THRB: variants seen among roughly 807,000 people sequenced by gnomAD.
The protein encoded by THRB is nuclear receptor subfamily 1 group A member 2.
In THRB, 12 loss-of-function variants were observed where a neutral mutation model predicts 47.8. The ratio of observed to expected loss-of-function variants is 0.25; its 90% CI spans 0.16 to 0.41. The LOEUF is 0.41. THRB is among the 10% of genes least tolerant of loss of function. The pLI is 1.00. For missense variants in THRB, 348 were observed against 589.2 expected (o/e 0.59, Z 4.24); for synonymous variants, 218 against 212.2 (o/e 1.03, Z -0.24).
intron 2 of THRB, among the ~76,000 whole-genome samples, chr3:24,298,905 C>G (rs2149069842): frequency 6.6e-6 from 1 of 152,256 alleles, no homozygotes; most frequent in Non-Finnish European, 1.5e-5. Flanking sequence ...CTATAGTTCT[C>G]AAATCACATA....
At chr3:24,485,054 C>T (rs1355973912) in intron 1 of THRB, among the ~76,000 whole-genome samples, 1 of 152,164 alleles carries the variant, frequency 6.6e-6, no homozygotes, top group Non-Finnish European at 1.5e-5. Flanking sequence ...AATCACTTAA[C>T]ATTAAATACT....
At position 24,207,183 on chromosome 3, in the gene THRB, A is replaced by T. The variant is rs1322353935; in HGVS notation, c.23-16849T>A. On this transcript the variant is annotated intron_variant, in intron 4 of 10. Transcript: ENST00000646209. The stretch of plus-strand genomic sequence containing the variant: ...ATCCTGATACCAAAGCCTGGCCGAG[A>T]CACAACAAAAAAAGAGAATTTTAGA... 3.3e-5 allele frequency among the ~76,000 whole-genome samples: 5 copies of T among 152,304 alleles called. No individual in the cohort carries two copies. In the East Asian group the frequency reaches 9.6e-4, roughly 29 times the overall value.
At chr3:24,174,811 T>G (rs1163278598) in intron 5 of THRB, among the ~76,000 whole-genome samples, 1 of 152,176 alleles carries the variant, frequency 6.6e-6, no homozygotes, top group Non-Finnish European at 1.5e-5. Flanking sequence ...CTTGTAGACA[T>G]GACTGTTCCT....
chr3:24,197,575 G>A (rs1018313086), intron 4 of THRB, among the ~76,000 whole-genome samples: 5 of 152,028 alleles, frequency 3.3e-5, no homozygotes, highest in African/African-American at 1.2e-4. Context: ...ATCTCCACAG[G>A]TCTAAGCACA....
chr3:24,315,027 A>C (rs1225210255), intron 2 of THRB, among the ~76,000 whole-genome samples: 1 of 152,064 alleles, frequency 6.6e-6, no homozygotes, highest in Non-Finnish European at 1.5e-5. Flanking sequence ...GAAATTTAGG[A>C]ATTATATTTT....
In THRB at chr3:24,359,928, T is replaced by G. The variant is rs114169108; in HGVS notation, c.-260-22557A>C. On this transcript the variant is annotated intron_variant, in intron 1 of 10. Coordinates refer to ENST00000646209, the MANE Select transcript of THRB (RefSeq NM_001354712.2). ...AAAAAAACTTGTTATTTGGCAGCAGTTTTGCATAAAGGCAGAAAGCAAATT... is the reference window on the plus strand; with the variant it reads ...AAAAAAACTTGTTATTTGGCAGCAGGTTTGCATAAAGGCAGAAAGCAAATT... 4.3e-3 allele frequency among the ~76,000 whole-genome samples: 655 copies of G among 152,272 alleles called. 7 individuals carry two copies. Among genetic ancestry groups the G allele is most frequent in the African/African-American group, 0.015 (625 of 41,558 alleles).
intron 1 of THRB, among the ~76,000 whole-genome samples, chr3:24,341,336 T>G (rs915149657): frequency 1.4e-4 from 21 of 149,620 alleles, no homozygotes; most frequent in African/African-American, 5.2e-4. Flanking sequence ...GCTCAAGCGA[T>G]TCTCCTGCCT....
intron 10 of THRB, among the ~76,000 whole-genome samples, chr3:24,124,642 G>T (rs1187934407): frequency 6.6e-6 from 1 of 152,180 alleles, no homozygotes; most frequent in South Asian, 2.1e-4. Context: ...TAAGACAAAA[G>T]TTCTTAAAGA....
intron 6 of THRB, among the ~76,000 whole-genome samples, chr3:24,148,271 C>T (rs911281704): frequency 3.3e-5 from 5 of 152,238 alleles, no homozygotes; most frequent in South Asian, 2.1e-4. Flanking sequence ...GGATTACAGG[C>T]GTGTGCTACC....
chr3:24,458,071 G>C (rs2073354629), intron 1 of THRB: 1 of 152,148 alleles, frequency 6.6e-6, no homozygotes, highest in South Asian at 2.1e-4. Flanking sequence ...GAAGTCTATG[G>C]GGCTGGCCTA....
At chr3:24,434,109 G>T (rs1342864210) in intron 1 of THRB, among the ~76,000 whole-genome samples, 1 of 151,990 alleles carries the variant, frequency 6.6e-6, no homozygotes, top group Non-Finnish European at 1.5e-5. Context: ...TTTACTTTGG[G>T]CACTGATTAA....
chr3:24,204,664 A>T (rs531528788), intron 4 of THRB, among the ~76,000 whole-genome samples: 46 of 152,344 alleles, frequency 3.0e-4, no homozygotes, highest in Middle Eastern at 3.4e-3. Flanking sequence ...AATGACTCTG[A>T]CAAGTTGAGA....
At chr3:24,335,311 G>C (rs1479592550) in intron 2 of THRB, among the ~76,000 whole-genome samples, 1 of 152,118 alleles carries the variant, frequency 6.6e-6, no homozygotes, top group African/African-American at 2.4e-5. Context: ...GGAATTCCTT[G>C]AGAGTTTTTT....
intron 4 of THRB, among the ~76,000 whole-genome samples, chr3:24,200,750 G>T (rs973072236): frequency 1.3e-4 from 20 of 152,258 alleles, no homozygotes; most frequent in African/African-American, 4.1e-4. Flanking sequence ...GAAAAGTTTG[G>T]TTTTTTCTTT....
At position 24,119,089 on chromosome 3, in the gene THRB, G is replaced by T. The variant is rs1397780886; in HGVS notation, c.*3795C>A. 2 of 147,170 alleles carry T rather than the reference G, an allele frequency of 1.4e-5. No individual in the cohort carries two copies. The highest frequency in any genetic ancestry group is 5.1e-5 in the African/African-American group (2 of 39,370). 9.1% of individuals were successfully genotyped at this position (147,170 alleles called of 1,614,324 possible). On this transcript the variant is annotated 3_prime_UTR_variant, in exon 11 of 11. Coordinates refer to ENST00000646209, the MANE Select transcript of THRB (RefSeq NM_001354712.2). The stretch of plus-strand genomic sequence containing the variant: ...TACACACCGGGCAAATCCTTACCTG[G>T]ATAATAAATATCTACATCACAGTAC...
intron 1 of THRB, among the ~76,000 whole-genome samples, chr3:24,401,784 C>T (rs763457416): frequency 6.6e-6 from 1 of 151,978 alleles, no homozygotes; most frequent in Non-Finnish European, 1.5e-5. Context: ...ATTTTAGATG[C>T]AGATTTCTGG....
intron 1 of THRB, among the ~76,000 whole-genome samples, chr3:24,414,648 G>T (rs4541352): frequency 0.73 from 111,359 of 151,758 alleles, 41,352 homozygotes; most frequent in African/African-American, 0.84. Context: ...TTAGAATACC[G>T]AAATCTGCAA....
In THRB at chr3:24,456,899, A is replaced by AT. The variant is rs5847295; in HGVS notation, c.-261+37752dup. ...GAACTGTGATTCTATCTAATTTCTG[A>AT]TTTTTTCATTCTAGAAAAAGTTTAG... On this transcript the variant is annotated intron_variant, in intron 1 of 10. Transcript: ENST00000646209. Among the ~76,000 whole-genome samples the AT allele has an allele frequency of 5.9e-3, 898 of 152,086 alleles. 9 individuals are homozygous for AT. Among genetic ancestry groups the AT allele is most frequent in the African/African-American group, 0.02 (847 of 41,508 alleles).
At chr3:24,295,192 T>C (rs1311813140) in intron 3 of THRB, among the ~76,000 whole-genome samples, 1 of 152,180 alleles carries the variant, frequency 6.6e-6, no homozygotes, top group Admixed American at 6.5e-5. Context: ...TTATCGAAAC[T>C]AGCTCAAGAT....
Sources: allele counts gnomAD v4.1 joint callset (sites outside exome capture counted in the v4.1 genomes callset), GRCh38; gene constraint gnomAD v4.1.1; transcripts MANE v1.5; gene names NCBI Gene and HGNC (gene_info 2026-07-23, HGNC 2026-07-21).